LARP7: variants seen among roughly 807,000 people sequenced by gnomAD.
The protein encoded by LARP7 is la-related protein 7.
A neutral mutation model predicts 69.3 loss-of-function variants in LARP7; 52 were observed. The observed-to-expected ratio is 0.75, with a 90% CI of 0.60 to 0.95. LARP7 has a LOEUF of 0.95. Among genes scored for constraint, LARP7 ranks in the 40% least tolerant of loss-of-function variants. LARP7 has a pLI of 0.00. For synonymous variants in LARP7, 254 were observed against 215.9 expected (o/e 1.18, Z -1.55); for missense variants, 733 against 673.0 (o/e 1.09, Z -0.99).
rs201250325 is a variant in LARP7, at chr4:112,647,387, C to T, written c.835C>T (p.Arg279Trp). 1.2e-5 allele frequency: 20 copies of T among 1,613,890 alleles called. No homozygotes were observed. The highest frequency in any genetic ancestry group is 4.4e-5 in the South Asian group (4 of 91,066). Residue 279 changes from arginine (R) to tryptophan (W), a missense_variant, in exon 7 of 13, where the codon CGG (arginine) becomes TGG (tryptophan). Transcript: ENST00000344442. ...GCAGTGCTCAAAGAAAAAGAAAAAACGGGACAGAGTTGAAGCATCTAGCTT... is the reference window on the plus strand; with the variant it reads ...GCAGTGCTCAAAGAAAAAGAAAAAATGGGACAGAGTTGAAGCATCTAGCTT... ...QKQCSKKKKK[R>W]DRVEASSLPE...
chr4:112,637,452 C>A (rs76102988), intron 1 of LARP7: 1 of 152,322 alleles, frequency 6.6e-6, no homozygotes, highest in Non-Finnish European at 1.5e-5. Flanking sequence ...AGTAAGGGCG[C>A]ATAGGGGCCC....
At chr4:112,647,603 TTTTAA>T in intron 7 of LARP7, 54 bp downstream of exon 7, 1 of 1,461,130 alleles carries the variant, frequency 6.8e-7, no homozygotes, top group South Asian at 1.5e-5. Flanking sequence ...ATTAATTAGT[TTTTAA>T]TTAATTAGGT....
At chr4:112,641,464 G>A (rs2149250947) in intron 1 of LARP7, among the ~76,000 whole-genome samples, 2 of 152,250 alleles carry the variant, frequency 1.3e-5, no homozygotes, top group Non-Finnish European at 2.9e-5. Flanking sequence ...TATTTAAATG[G>A]TAATTCTATC....
intron 10 of LARP7, 122 bp downstream of exon 10, chr4:112,650,704 C>G: frequency 1.9e-6 from 2 of 1,049,088 alleles, no homozygotes; most frequent in South Asian, 1.8e-5. Context: ...CTATGGTAAA[C>G]TACTGTACAG....
intron 9 of LARP7, chr4:112,649,930 C>T: frequency 3.7e-6 from 1 of 271,832 alleles, no homozygotes; most frequent in Non-Finnish European, 6.9e-6. Context: ...TTTCATCAAG[C>T]ACATGAGTGC....
At chr4:112,651,506 T>A (rs937439389) in intron 10 of LARP7, among the ~76,000 whole-genome samples, 1 of 152,200 alleles carries the variant, frequency 6.6e-6, no homozygotes, top group African/African-American at 2.4e-5. Flanking sequence ...ATTAATCAGA[T>A]TGCAAAACAT....
At chr4:112,651,488 C>T (rs2048734274) in intron 10 of LARP7, among the ~76,000 whole-genome samples, 1 of 152,164 alleles carries the variant, frequency 6.6e-6, no homozygotes. Context: ...GATGTAAATA[C>T]TGCTCTGATT....
At chr4:112,643,781 G>A (rs2048051694) in intron 1 of LARP7, among the ~76,000 whole-genome samples, 1 of 151,924 alleles carries the variant, frequency 6.6e-6, no homozygotes, top group Non-Finnish European at 1.5e-5. Context: ...GAACCCAGGA[G>A]GCAGAGCTTG....
At position 112,649,607 on chromosome 4, in the gene LARP7, A is replaced by G; in HGVS notation, c.1215A>G (p.Thr405=). ...QKASMASLKK[T]ISQIKSESEM... ...CTAGCATGGCTTCTTTAAAAAAAAC[A>G]ATATCCCAAATAAAATCAGAGTCAG... The change falls in exon 9 of 13, where the codon ACA becomes ACG. Residue 405 remains threonine (T), a synonymous_variant. Coordinates refer to ENST00000344442, the MANE Select transcript of LARP7 (RefSeq NM_016648.4). 6.2e-7 allele frequency: 1 copy of G among 1,608,634 alleles called. No individual in the cohort carries two copies. The highest frequency in any genetic ancestry group is 8.5e-7 in the Non-Finnish European group (1 of 1,176,946).
intron 12 of LARP7, among the ~76,000 whole-genome samples, chr4:112,656,140 C>T (rs1160936710): frequency 2.0e-5 from 3 of 152,178 alleles, no homozygotes; most frequent in African/African-American, 7.2e-5. Flanking sequence ...CACGGTGGCT[C>T]ATGCCTATAA....
intron 6 of LARP7, 31 bp from the exon 7 acceptor site, chr4:112,647,168 A>T (rs775372810): frequency 1.3e-6 from 2 of 1,593,900 alleles, no homozygotes; most frequent in East Asian, 2.2e-5. Context: ...AGTTGAAGTA[A>T]GATGAACTAA....
intron 2 of LARP7, 82 bp from the exon 3 acceptor site, chr4:112,646,261 AGCCTGAGG>A (rs774972083): frequency 3.5e-4 from 225 of 642,524 alleles, no homozygotes; most frequent in Non-Finnish European, 4.9e-4. Flanking sequence ...TGAGCCACCG[AGCCTGAGG>A]GCCTGAGGGG....
chr4:112,638,772 A>T (rs2047827764), intron 1 of LARP7, among the ~76,000 whole-genome samples: 1 of 152,252 alleles, frequency 6.6e-6, no homozygotes, highest in African/African-American at 2.4e-5. Context: ...CATTTCTCAG[A>T]ATGTGTCCTT....
At chr4:112,638,227 C>G (rs1208622798) in intron 1 of LARP7, among the ~76,000 whole-genome samples, 1 of 152,034 alleles carries the variant, frequency 6.6e-6, no homozygotes, top group Non-Finnish European at 1.5e-5. Context: ...ACTCGGGAAG[C>G]AGAGATTACA....
In LARP7 at chr4:112,653,102, T is replaced by A; in HGVS notation, c.1442T>A (p.Val481Asp). 1 of 1,595,772 alleles carries A rather than the reference T, an allele frequency of 6.3e-7. No individual in the cohort carries two copies. Among genetic ancestry groups the A allele is most frequent in the Non-Finnish European group, 8.5e-7 (1 of 1,174,676 alleles). ...GATACTTTGGCAGCAATCTCAGAAGTTCTTTATGTTGATTTGCTAGAAGGG... is the reference window on the plus strand; with the variant it reads ...GATACTTTGGCAGCAATCTCAGAAGATCTTTATGTTGATTTGCTAGAAGGG... ...VRDTLAAISE[V>D]LYVDLLEGDT... is the part of the protein sequence containing the mutation. The change falls in exon 11 of 13, where the codon GTT becomes GAT. Residue 481 changes from valine to aspartate, a missense_variant. By Grantham distance (152) the Val-to-Asp change is radical. Transcript: ENST00000344442.
intron 12 of LARP7, among the ~76,000 whole-genome samples, chr4:112,654,928 C>T (rs2048894749): frequency 6.7e-6 from 1 of 150,358 alleles, no homozygotes; most frequent in Non-Finnish European, 1.5e-5. Context: ...GATGAACTTC[C>T]TTTTTTGTTA....
At chr4:112,653,288 G>T in intron 11 of LARP7, 52 bp downstream of exon 11, 1 of 1,389,696 alleles carries the variant, frequency 7.2e-7, no homozygotes, top group South Asian at 1.5e-5. Flanking sequence ...CTTATTGTGA[G>T]TAATATATTT....
At position 112,647,419 on chromosome 4, in the gene LARP7, A is replaced by G; in HGVS notation, c.867A>G (p.Glu289=). The G allele has an allele frequency of 6.2e-7, 1 of 1,614,126 alleles. No individual in the cohort carries two copies. The highest frequency in any genetic ancestry group is 8.5e-7 in the Non-Finnish European group (1 of 1,180,010). Residue 289 remains glutamate, a synonymous_variant, in exon 7 of 13, where the codon GAA becomes GAG. Coordinates refer to ENST00000344442, the MANE Select transcript of LARP7 (RefSeq NM_016648.4). The part of the protein sequence containing the change: ...RDRVEASSLP[E]VRTGKRKRSS... ...GAGTTGAAGCATCTAGCTTACCTGAAGTCAGAACAGGGAAGAGGAAGAGAA... is the reference window on the plus strand; with the variant it reads ...GAGTTGAAGCATCTAGCTTACCTGAGGTCAGAACAGGGAAGAGGAAGAGAA...
At position 112,653,084 on chromosome 4, in the gene LARP7, T is replaced by C. The variant is rs1350063779; in HGVS notation, c.1424T>C (p.Leu475Ser). 1.3e-6 allele frequency: 2 copies of C among 1,586,544 alleles called. No homozygotes were observed. The highest frequency in any genetic ancestry group is 2.2e-5 in the East Asian group (1 of 44,450). Residue 475 changes from leucine to serine, a missense_variant, in exon 11 of 13, where the codon TTG (leucine) becomes TCG (serine). Leu to Ser is a moderately radical substitution (Grantham distance 145, BLOSUM62 -2). Coordinates refer to ENST00000344442, the MANE Select transcript of LARP7 (RefSeq NM_016648.4). ...LPGRKQVRDT[L>S]AAISEVLYVD... ...TACTTAACTCTAATGCAGGATACTTTGGCAGCAATCTCAGAAGTTCTTTAT... is the reference window on the plus strand; with the variant it reads ...TACTTAACTCTAATGCAGGATACTTCGGCAGCAATCTCAGAAGTTCTTTAT...
Sources: gnomAD v4.1 joint callset for allele counts (sites outside exome capture counted in the v4.1 genomes callset) on GRCh38, gnomAD v4.1.1 for gene constraint, MANE v1.5 for transcripts, NCBI Gene and HGNC (gene_info 2026-07-23, HGNC 2026-07-21) for gene names.